Variants in PIAS2 observed in about 807,000 individuals in gnomAD.
The protein encoded by PIAS2 is protein inhibitor of activated STAT 2, also known as E3 SUMO-protein ligase PIAS2.
A neutral mutation model predicts 69.7 loss-of-function variants in PIAS2; 19 were observed. The observed-to-expected ratio is 0.27, with a 90% confidence interval of 0.19 to 0.40. The LOEUF is 0.40. PIAS2 is among the 10% of genes least tolerant of loss of function. The probability of loss-of-function intolerance (pLI) is 1.00; values close to 1 mark genes in which losing one functional copy is unlikely to be tolerated. For missense variants in PIAS2, 624 were observed against 757.0 expected (o/e 0.82, Z 2.06); for synonymous variants, 261 against 263.2 (o/e 0.99, Z 0.08).
intron 2 of PIAS2, among the ~76,000 whole-genome samples, chr18:46,880,211 G>A (rs1278762312): frequency 1.3e-5 from 2 of 151,866 alleles, no homozygotes; most frequent in African/African-American, 4.8e-5. Context: ...GCCTAGGGAA[G>A]ATGGCAAGAC....
chr18:46,814,780 C>T (rs1326518883), intron 13 of PIAS2, among the ~76,000 whole-genome samples: 1 of 152,190 alleles, frequency 6.6e-6, no homozygotes, highest in Non-Finnish European at 1.5e-5. Context: ...GCAAGGTCTT[C>T]ATGTTGGGAC....
At chr18:46,866,676 G>A (rs1423213822) in intron 2 of PIAS2, among the ~76,000 whole-genome samples, 1 of 152,154 alleles carries the variant, frequency 6.6e-6, no homozygotes. Context: ...GCATTGAAAG[G>A]CAGGATTTCT....
At chr18:46,845,599 T>A (rs1271871088) in intron 6 of PIAS2, among the ~76,000 whole-genome samples, 1 of 151,808 alleles carries the variant, frequency 6.6e-6, no homozygotes, top group Non-Finnish European at 1.5e-5. Flanking sequence ...TATAGAGCTA[T>A]GAACAGACAA....
intron 8 of PIAS2, among the ~76,000 whole-genome samples, chr18:46,837,433 T>C (rs2044615968): frequency 6.6e-6 from 1 of 152,180 alleles, no homozygotes; most frequent in African/African-American, 2.4e-5. Flanking sequence ...TTTTCTCATT[T>C]CCCATTTGGT....
At chr18:46,901,082 A>G (rs1313748888) in intron 1 of PIAS2, 1 of 389,900 alleles carries the variant, frequency 2.6e-6, no homozygotes, top group African/African-American at 2.2e-5. Flanking sequence ...TTATGAAACT[A>G]ATATTACCAT....
intron 11 of PIAS2, chr18:46,826,713 C>T (rs189494119): frequency 3.7e-4 from 56 of 152,248 alleles, no homozygotes; most frequent in African/African-American, 1.3e-3. Flanking sequence ...GAAATACTTC[C>T]TCATTTTGTT....
chr18:46,866,091 AAAGT>A (rs1476163642), intron 2 of PIAS2, among the ~76,000 whole-genome samples: 1 of 152,226 alleles, frequency 6.6e-6, no homozygotes, highest in Non-Finnish European at 1.5e-5. Flanking sequence ...CAAAAGGTCT[AAAGT>A]AAGTACAAAT....
chr18:46,905,435 T>C (rs1599044434), intron 1 of PIAS2, among the ~76,000 whole-genome samples: 2 of 151,186 alleles, frequency 1.3e-5, no homozygotes, highest in Non-Finnish European at 3.0e-5. Context: ...CTTAAGAAAT[T>C]AGAAAAAAAG....
Position 46,807,827 on chromosome 18 carries a change from C to T in PIAS2, c.*4606G>A, listed in dbSNP as rs1321229049. 2 of 152,300 alleles carry T rather than the reference C, an allele frequency of 1.3e-5. No individual in the cohort carries two copies. Among genetic ancestry groups the T allele is most frequent in the Middle Eastern group, 3.4e-3 (1 of 294 alleles). The allele number at this position is 152,300 out of a possible 1,614,324, so 9.4% of individuals were successfully genotyped here. The stretch of plus-strand genomic sequence containing the variant: ...TGCAGATGCCTGCATAAAGATAAAA[C>T]GTTGCATGTTCTTGGAAAATATGGC... On this transcript the variant is annotated 3_prime_UTR_variant, in exon 14 of 14. Coordinates refer to ENST00000585916, the MANE Select transcript of PIAS2 (RefSeq NM_004671.5).
intron 2 of PIAS2, among the ~76,000 whole-genome samples, chr18:46,888,086 G>A (rs531437103): frequency 6.6e-6 from 1 of 151,812 alleles, no homozygotes; most frequent in Non-Finnish European, 1.5e-5. Flanking sequence ...ATGATGAAAA[G>A]GAAATTATGT....
rs528371321 is a variant in PIAS2 at position 46,909,119 on chromosome 18, A to T, written c.24+8203T>A. ...AAAATCAGTATGAAATAATTTTTTTAAAAAACTAGTACAAACATGGGCAAA... is the reference window on the plus strand; with the variant it reads ...AAAATCAGTATGAAATAATTTTTTTTAAAAACTAGTACAAACATGGGCAAA... On this transcript the variant is annotated intron_variant, in intron 1 of 13. Transcript: ENST00000585916. 1.3e-4 allele frequency among the ~76,000 whole-genome samples: 20 copies of T among 152,318 alleles called. No homozygotes were observed. In the South Asian group the frequency reaches 4.1e-3, roughly 32 times the overall value.
At chr18:46,916,994 G>T in intron 1 of PIAS2, 1 of 986,372 alleles carries the variant, frequency 1.0e-6, no homozygotes, top group Non-Finnish European at 1.2e-6. Flanking sequence ...TTCCCACATC[G>T]GCCCTCACTG....
Position 46,807,355 on chromosome 18 carries a change from TTATATATATATATATATA to T in PIAS2, c.*5060_*5077del, listed in dbSNP as rs1289254598. 2 of 29,970 alleles carry T rather than the reference TTATATATATATATATATA, an allele frequency of 6.7e-5. No homozygotes were observed. The highest frequency in any genetic ancestry group is 7.8e-4 in the East Asian group (1 of 1,278). The allele number at this position is 29,970 out of a possible 1,614,324, so 1.9% of individuals were successfully genotyped here. The stretch of plus-strand genomic sequence containing the variant: ...AGGTGTTTCTGAAACATGTCAGATT[TTATATATATATATATATA>T]TATATATATATTTTTTTTTTTTTTT... On this transcript the variant is annotated 3_prime_UTR_variant, in exon 14 of 14. Transcript: ENST00000585916.
chr18:46,833,172 C>T (rs922972042), intron 9 of PIAS2, among the ~76,000 whole-genome samples: 3 of 152,110 alleles, frequency 2.0e-5, no homozygotes, highest in Non-Finnish European at 4.4e-5. Context: ...AACCCATCAA[C>T]GCATGAAATG....
chr18:46,838,957 T>C (rs1422609406), intron 8 of PIAS2, among the ~76,000 whole-genome samples: 1 of 152,242 alleles, frequency 6.6e-6, no homozygotes, highest in Non-Finnish European at 1.5e-5. Flanking sequence ...AAATGAACGT[T>C]GACTAAATAC....
At chr18:46,862,862 T>C (rs1044570418) in intron 3 of PIAS2, among the ~76,000 whole-genome samples, 11 of 152,046 alleles carry the variant, frequency 7.2e-5, no homozygotes, top group African/African-American at 2.4e-4. Flanking sequence ...CCCGCCACCA[T>C]GCTCGGCTAA....
intron 2 of PIAS2, among the ~76,000 whole-genome samples, chr18:46,868,298 A>G (rs925601508): frequency 6.6e-6 from 1 of 152,196 alleles, no homozygotes; most frequent in African/African-American, 2.4e-5. Context: ...TCTGCTCTGT[A>G]AACAACTACT....
chr18:46,908,940 T>C (rs972095173), intron 1 of PIAS2, among the ~76,000 whole-genome samples: 6 of 152,010 alleles, frequency 3.9e-5, no homozygotes, highest in African/African-American at 1.4e-4. Context: ...ACCTTGGGGG[T>C]GGAGGGTGCA....
chr18:46,904,554 C>T (rs2056333429), intron 1 of PIAS2, among the ~76,000 whole-genome samples: 1 of 152,100 alleles, frequency 6.6e-6, no homozygotes, highest in South Asian at 2.1e-4. Context: ...AGTTCAAGAC[C>T]AGCCTGGCCA....
Sources: gnomAD v4.1 joint callset for allele counts (sites outside exome capture counted in the v4.1 genomes callset) on GRCh38, gnomAD v4.1.1 for gene constraint, MANE v1.5 for transcripts, NCBI Gene and HGNC (gene_info 2026-07-23, HGNC 2026-07-21) for gene names.